Variants in ASB18 observed in about 807,000 individuals in gnomAD.
The protein encoded by ASB18 is ankyrin repeat and SOCS box protein 18.
ASB18 carries 33 observed loss-of-function variants against 33.4 expected under a neutral mutation model. The observed-to-expected ratio is 0.99, with a 90% CI of 0.75 to 1.32. The LOEUF (loss-of-function observed/expected upper bound fraction) is 1.32, where lower values mean the gene tolerates loss of function less well. Ranked by LOEUF, ASB18 falls within the 40% of genes most tolerant of loss-of-function variation. ASB18 has a pLI of 0.00. For synonymous variants in ASB18, 295 were observed against 307.6 expected, an observed-to-expected ratio of 0.96 and a Z score of 0.43; for missense variants, 694 against 655.5, an observed-to-expected ratio of 1.06 and a Z score of -0.64.
chr2:236,253,981 G>A lies in ASB18; in HGVS notation c.205+10160C>T, dbSNP rs559813572. The A allele has an allele frequency of 3.3e-5, 5 of 152,156 alleles. No individual in the cohort carries two copies. The East Asian group carries it at 9.7e-4, about 30-fold the overall frequency. 9.4% of individuals were successfully genotyped at this position (152,156 alleles called of 1,614,324 possible). A position where few individuals can be genotyped will look rare whatever the true frequency, so the allele number is the denominator to read the frequency against. The stretch of plus-strand genomic sequence containing the variant: ...AGGGTACATCTTTAGGCCTTTGGAT[G>A]CCTGTTATAAAATTTAAACTGTGTT... On this transcript the variant is annotated intron_variant, in intron 1 of 5. Coordinates refer to ENST00000409749, the MANE Select transcript of ASB18 (RefSeq NM_212556.4). The surrounding 1 kb of genome is among the most constrained non-coding windows in gnomAD (Gnocchi z 5.4).
chr2:236,206,857 A>C (rs2060436449), intron 4 of ASB18, among the ~76,000 whole-genome samples: 1 of 152,202 alleles, frequency 6.6e-6, no homozygotes, highest in Non-Finnish European at 1.5e-5. Flanking sequence ...GGGATGAGGT[A>C]GTCTAATCAG....
At position 236,193,921 on chromosome 2, in the gene ASB18, TTG is replaced by T. The variant is rs2060359056; in HGVS notation, c.*949_*950del. ...CTGTCGTGTCTGAATTGTCCCAGTG[TTG>T]TGTGTGGGTGGGTGGGTGTGGGGGT... On this transcript the variant is annotated 3_prime_UTR_variant, in exon 6 of 6. Coordinates refer to ENST00000409749, the MANE Select transcript of ASB18 (RefSeq NM_212556.4). This position sits in a 1 kb window ranked among gnomAD's most constrained non-coding sequence, Gnocchi z 5.0. 6.6e-6 allele frequency among the ~76,000 whole-genome samples: 1 copy of T among 152,160 alleles called. No individual in the cohort carries two copies. The highest frequency in any genetic ancestry group is 2.1e-4 in the South Asian group (1 of 4,818).
At chr2:236,247,400 T>C (rs904146275) in intron 1 of ASB18, 3 of 152,160 alleles carry the variant, frequency 2.0e-5, no homozygotes, top group African/African-American at 7.2e-5. Flanking sequence ...GCAAAAAACC[T>C]AACAATACCC....
In ASB18 at chr2:236,262,898, C is replaced by A. The variant is rs947283009; in HGVS notation, c.205+1243G>T. Among the ~76,000 whole-genome samples the A allele has an allele frequency of 3.9e-5, 6 of 152,184 alleles. No individual in the cohort carries two copies. Among genetic ancestry groups the A allele is most frequent in the African/African-American group, 1.4e-4 (6 of 41,524 alleles). On this transcript the variant is annotated intron_variant, in intron 1 of 5. Coordinates refer to ENST00000409749, the MANE Select transcript of ASB18 (RefSeq NM_212556.4). The surrounding 1 kb of genome is among the most constrained non-coding windows in gnomAD (Gnocchi z 5.2). The stretch of plus-strand genomic sequence containing the variant: ...ACCCAAACCAAGGGGGGGGGGCGGA[C>A]CCCCTCGGAAGTTCCAATCTCAGAC...
chr2:236,202,777 C>CAAAA (rs34973734), intron 4 of ASB18, among the ~76,000 whole-genome samples: 102 of 68,636 alleles, frequency 1.5e-3, no homozygotes, highest in East Asian at 4.4e-3. Context: ...GACTCCGTCT[C>CAAAA]AAAAAAAAAA....
chr2:236,221,072 G>A lies in ASB18; in HGVS notation c.597-6206C>T, dbSNP rs1479224236. On this transcript the variant is annotated intron_variant, in intron 3 of 5. Transcript: ENST00000409749. The surrounding 1 kb of genome is among the most constrained non-coding windows in gnomAD (Gnocchi z 5.6). Reference sequence around the variant, plus strand: ...TTTTTGGTGAGGAGTTCATCTTTGAGGTTTAAGCAGTGGTCTAAAGGGCAG... The same window carrying A: ...TTTTTGGTGAGGAGTTCATCTTTGAAGTTTAAGCAGTGGTCTAAAGGGCAG... Among the ~76,000 whole-genome samples the A allele has an allele frequency of 6.6e-6, 1 of 152,126 alleles. No homozygotes were observed. Among genetic ancestry groups the A allele is most frequent in the African/African-American group, 2.4e-5 (1 of 41,428 alleles).
chr2:236,239,196 C>T lies in ASB18; in HGVS notation c.329-1240G>A, dbSNP rs971128271. On this transcript the variant is annotated intron_variant, in intron 2 of 5. Coordinates refer to ENST00000409749, the MANE Select transcript of ASB18 (RefSeq NM_212556.4). The surrounding 1 kb of genome is among the most constrained non-coding windows in gnomAD (Gnocchi z 5.6). ...ACAATAACCTACATTCCTGCAGGTG[C>T]CAGCTCTTGGTTTTTTGATTCGATT... 2.2e-4 allele frequency among the ~76,000 whole-genome samples: 34 copies of T among 152,174 alleles called. No individual in the cohort carries two copies. Among genetic ancestry groups the T allele is most frequent in the Admixed American group, 1.4e-3 (21 of 15,280 alleles).
In ASB18 at chr2:236,208,727, C is replaced by T. The variant is rs534022326; in HGVS notation, c.1101+5635G>A. Among the ~76,000 whole-genome samples the T allele has an allele frequency of 3.3e-5, 5 of 152,192 alleles. No individual in the cohort carries two copies. The highest frequency in any genetic ancestry group is 4.1e-4 in the South Asian group (2 of 4,826). Reference sequence around the variant, plus strand: ...CTCTCTGGGGCTCCCTGCCCCTCCCCGTCCTCTGCATCGTGCCCCCTCATG... The same window carrying T: ...CTCTCTGGGGCTCCCTGCCCCTCCCTGTCCTCTGCATCGTGCCCCCTCATG... On this transcript the variant is annotated intron_variant, in intron 4 of 5. Coordinates refer to ENST00000409749, the MANE Select transcript of ASB18 (RefSeq NM_212556.4). This position sits in a 1 kb window ranked among gnomAD's most constrained non-coding sequence, Gnocchi z 7.7.
At chr2:236,233,202 C>CCT (rs1434816188) in intron 3 of ASB18, among the ~76,000 whole-genome samples, 2 of 151,988 alleles carry the variant, frequency 1.3e-5, no homozygotes, top group African/African-American at 2.4e-5. Flanking sequence ...TGATTATCTC[C>CCT]ATATATGTAG....
chr2:236,237,949 C>A lies in ASB18; in HGVS notation c.336G>T (p.Trp112Cys). The A allele has an allele frequency of 6.7e-7, 1 of 1,500,300 alleles. No homozygotes were observed. The highest frequency in any genetic ancestry group is 2.2e-5 in the Admixed American group (1 of 46,354). 92.9% of individuals were successfully genotyped at this position (1,500,300 alleles called of 1,614,324 possible). Reference sequence around the variant, plus strand: ...TGAGCTCACGCTTGTACTCCAGGGTCCAGAGGCCTGCGGGGAGGGAGGTGG... The same window carrying A: ...TGAGCTCACGCTTGTACTCCAGGGTACAGAGGCCTGCGGGGAGGGAGGTGG... ...SPATFGLSGL[W>C]TLEYKRELTT... The change falls in exon 3 of 6, where the codon TGG (tryptophan) becomes TGT (cysteine). Residue 112 changes from tryptophan to cysteine, a missense_variant. Transcript: ENST00000409749. The surrounding 1 kb of genome is among the most constrained non-coding windows in gnomAD (Gnocchi z 6.2).
rs1199012130 is a variant in ASB18, at chr2:236,259,912, C to T, written c.205+4229G>A. 6.6e-6 allele frequency among the ~76,000 whole-genome samples: 1 copy of T among 152,226 alleles called. No individual in the cohort carries two copies. Among genetic ancestry groups the T allele is most frequent in the Non-Finnish European group, 1.5e-5 (1 of 68,044 alleles). Reference sequence around the variant, plus strand: ...CTGCACCAAGGTGGGGGCACATGTTCACCTGAGGGACTTCTCCAGAAAAAG... The same window carrying T: ...CTGCACCAAGGTGGGGGCACATGTTTACCTGAGGGACTTCTCCAGAAAAAG... On this transcript the variant is annotated intron_variant, in intron 1 of 5. Coordinates refer to ENST00000409749, the MANE Select transcript of ASB18 (RefSeq NM_212556.4). The surrounding 1 kb of genome is among the most constrained non-coding windows in gnomAD (Gnocchi z 4.4).
In ASB18 at chr2:236,205,277, CTT is replaced by C. The variant is rs933069366; in HGVS notation, c.1102-8894_1102-8893del. Among the ~76,000 whole-genome samples, 8 of 152,184 alleles carry C rather than the reference CTT, an allele frequency of 5.3e-5. No homozygotes were observed. The highest frequency in any genetic ancestry group is 1.0e-4 in the Non-Finnish European group (7 of 68,034). On this transcript the variant is annotated intron_variant, in intron 4 of 5. Transcript: ENST00000409749. The surrounding 1 kb of genome is among the most constrained non-coding windows in gnomAD (Gnocchi z 5.4). Reference sequence around the variant, plus strand: ...TCTCCTACTCCCATCCCACTAGCTCCTTCCATCTCCGGCCACACTGGTCCCCT... The same window carrying C: ...TCTCCTACTCCCATCCCACTAGCTCCCCATCTCCGGCCACACTGGTCCCCT...
At chr2:236,236,502 T>C (rs1315299074) in intron 3 of ASB18, among the ~76,000 whole-genome samples, 1 of 152,188 alleles carries the variant, frequency 6.6e-6, no homozygotes, top group Non-Finnish European at 1.5e-5. Context: ...ATTGTACGCC[T>C]TAAACACGTG....
rs1260696813 is a variant in ASB18 at position 236,239,865 on chromosome 2, G to A, written c.328+1415C>T. On this transcript the variant is annotated intron_variant, in intron 2 of 5. Coordinates refer to ENST00000409749, the MANE Select transcript of ASB18 (RefSeq NM_212556.4). The surrounding 1 kb of genome is among the most constrained non-coding windows in gnomAD (Gnocchi z 5.6). ...TGCAGGGCAGTCAGGTGTCTGTGCC[G>A]GAGGAGGCTGGAATCCAGGCAGCCT... 7.2e-5 allele frequency among the ~76,000 whole-genome samples: 11 copies of A among 152,332 alleles called. No homozygotes were observed. Among genetic ancestry groups the A allele is most frequent in the Non-Finnish European group, 1.3e-4 (9 of 68,036 alleles).
rs1310465626 is a variant in ASB18, at chr2:236,237,425, GGGGCGCGGGGCGA to G, written c.596+251_596+263del. ...GGGGCGCGGGGCGGGGGCCGGGGCCGGGGCGCGGGGCGAGGGCCGGGAGGTGCCAGGTCTGGGG... is the reference window on the plus strand; with the variant it reads ...GGGGCGCGGGGCGGGGGCCGGGGCCGGGGCCGGGAGGTGCCAGGTCTGGGG... On this transcript the variant is annotated intron_variant, in intron 3 of 5. Transcript: ENST00000409749. The surrounding 1 kb of genome is among the most constrained non-coding windows in gnomAD (Gnocchi z 6.2). Among the ~76,000 whole-genome samples, 3 of 67,544 alleles carry G rather than the reference GGGGCGCGGGGCGA, an allele frequency of 4.4e-5. No individual in the cohort carries two copies. The highest frequency in any genetic ancestry group is 4.4e-4 in the South Asian group (1 of 2,290). 44.3% of individuals were successfully genotyped at this position (67,544 alleles called of 152,430 possible).
In ASB18 at chr2:236,262,512, C is replaced by T. The variant is rs2060724027; in HGVS notation, c.205+1629G>A. The stretch of plus-strand genomic sequence containing the variant: ...GCCGGGGAAGCACTTGCCCTACCCT[C>T]ACTTTCCTCCAACTCCTATCATTAG... On this transcript the variant is annotated intron_variant, in intron 1 of 5. Coordinates refer to ENST00000409749, the MANE Select transcript of ASB18 (RefSeq NM_212556.4). This position sits in a 1 kb window ranked among gnomAD's most constrained non-coding sequence, Gnocchi z 5.2. Among the ~76,000 whole-genome samples, 1 of 152,222 alleles carries T rather than the reference C, an allele frequency of 6.6e-6. No homozygotes were observed. Among genetic ancestry groups the T allele is most frequent in the Non-Finnish European group, 1.5e-5 (1 of 68,046 alleles).
chr2:236,215,200 G>C lies in ASB18; in HGVS notation c.597-334C>G. Among the ~76,000 whole-genome samples, 1 of 152,122 alleles carries C rather than the reference G, an allele frequency of 6.6e-6. No individual in the cohort carries two copies. The highest frequency in any genetic ancestry group is 1.5e-5 in the Non-Finnish European group (1 of 68,030). ...ACGGTGCTCCATGCACTGGTTACCT[G>C]AGCTCTTTGTCACACCTGGAGGTTA... On this transcript the variant is annotated intron_variant, in intron 3 of 5. Coordinates refer to ENST00000409749, the MANE Select transcript of ASB18 (RefSeq NM_212556.4). The surrounding 1 kb of genome is among the most constrained non-coding windows in gnomAD (Gnocchi z 7.2).
rs751268528 is a variant in ASB18 at position 236,214,888 on chromosome 2, C to T, written c.597-22G>A. The T allele has an allele frequency of 2.0e-5, 24 of 1,208,006 alleles. No individual in the cohort carries two copies. Among genetic ancestry groups the T allele is most frequent in the South Asian group, 4.1e-5 (1 of 24,536 alleles). 74.8% of individuals were successfully genotyped at this position (1,208,006 alleles called of 1,614,324 possible). ...GCACCTGTGGGAAGCCAGGGCCTGT[C>T]ACTCGGGCGCCACGCAGGACGCCCG... On this transcript the variant is annotated intron_variant, in intron 3 of 5. Coordinates refer to ENST00000409749, the MANE Select transcript of ASB18 (RefSeq NM_212556.4). This position sits in a 1 kb window ranked among gnomAD's most constrained non-coding sequence, Gnocchi z 6.5.
rs946775773 is a variant in ASB18, at chr2:236,202,592, G to A, written c.1102-6207C>T. 4.0e-5 allele frequency among the ~76,000 whole-genome samples: 6 copies of A among 151,662 alleles called. 1 individual carries two copies. The highest frequency in any genetic ancestry group is 9.7e-5 in the African/African-American group (4 of 41,378). On this transcript the variant is annotated intron_variant, in intron 4 of 5. Transcript: ENST00000409749. Reference sequence around the variant, plus strand: ...TCCCAACACTTTGGGAGGCTGAGGCGGGTAGATCACGAGGTCAAGAGATGG... The same window carrying A: ...TCCCAACACTTTGGGAGGCTGAGGCAGGTAGATCACGAGGTCAAGAGATGG...
Sources: allele counts gnomAD v4.1 joint callset (sites outside exome capture counted in the v4.1 genomes callset), GRCh38; gene constraint gnomAD v4.1.1; non-coding constraint Gnocchi (gnomAD v3.1); transcripts MANE v1.5; gene names NCBI Gene and HGNC (gene_info 2026-07-23, HGNC 2026-07-21).